The following CAPSL variants were observed in gnomAD, a reference collection of about 807,000 sequenced individuals.
The protein encoded by CAPSL is calcyphosine like.
Under a neutral mutation model 21.3 loss-of-function variants are expected in CAPSL, and 17 were observed. The observed-to-expected ratio is 0.80, with a 90% confidence interval of 0.55 to 1.20. The LOEUF is 1.20. Ranked by LOEUF, CAPSL falls within the 50% of genes most tolerant of loss-of-function variation. CAPSL has a pLI of 0.00. For synonymous variants in CAPSL, 102 were observed against 89.3 expected (o/e 1.14, Z -0.80); for missense variants, 289 against 259.3 (o/e 1.11, Z -0.79).
intron 1 of CAPSL, among the ~76,000 whole-genome samples, chr5:35,937,339 C>G (rs957763276): frequency 3.3e-5 from 5 of 152,214 alleles, no homozygotes; most frequent in African/African-American, 9.6e-5. Context: ...TTGGCCTTTC[C>G]TATGTCTCCA....
At chr5:35,927,469 G>A (rs1738715601) in intron 1 of CAPSL, among the ~76,000 whole-genome samples, 2 of 152,204 alleles carry the variant, frequency 1.3e-5, no homozygotes, top group Non-Finnish European at 2.9e-5. Flanking sequence ...AAGGAGAAAG[G>A]TATACAGTAG....
intron 2 of CAPSL, among the ~76,000 whole-genome samples, chr5:35,914,819 C>A (rs1281716537): frequency 6.6e-6 from 1 of 152,148 alleles, no homozygotes; most frequent in East Asian, 1.9e-4. Flanking sequence ...CAAGAGCAAA[C>A]ATATTCAAAA....
intron 1 of CAPSL, among the ~76,000 whole-genome samples, chr5:35,923,208 G>A (rs1031110066): frequency 1.3e-5 from 2 of 151,926 alleles, no homozygotes; most frequent in Non-Finnish European, 2.9e-5. Flanking sequence ...GTTTTTCCCT[G>A]CCATCCATGA....
chr5:35,923,002 T>G (rs989659407), intron 1 of CAPSL, among the ~76,000 whole-genome samples: 7 of 151,600 alleles, frequency 4.6e-5, no homozygotes, highest in African/African-American at 1.7e-4. Context: ...AAGCAGGAAC[T>G]GGTGTCAACA....
In CAPSL at chr5:35,904,476, T is replaced by C; in HGVS notation, c.*69A>G. 2 of 1,147,082 alleles carry C rather than the reference T, an allele frequency of 1.7e-6. No homozygotes were observed. The highest frequency in any genetic ancestry group is 2.6e-6 in the Non-Finnish European group (2 of 776,202). The allele number at this position is 1,147,082 out of a possible 1,614,324, so 71.1% of individuals were successfully genotyped here. On this transcript the variant is annotated 3_prime_UTR_variant, in exon 5 of 5. Coordinates refer to ENST00000651391, the MANE Select transcript of CAPSL (RefSeq NM_001042625.2). ...AGTGTGAAATCAAATACGATTCTGGTTTTTGAGCTGACATTTAGTCATTTG... is the reference window on the plus strand; with the variant it reads ...AGTGTGAAATCAAATACGATTCTGGCTTTTGAGCTGACATTTAGTCATTTG...
Position 35,905,699 on chromosome 5 carries a change from A to G in CAPSL, c.526-1053T>C, listed in dbSNP as rs1345234352. Among the ~76,000 whole-genome samples, 3 of 152,326 alleles carry G rather than the reference A, an allele frequency of 2.0e-5. No homozygotes were observed. In the East Asian group the frequency reaches 5.8e-4, roughly 29 times the overall value. On this transcript the variant is annotated intron_variant, in intron 4 of 4. Transcript: ENST00000651391. ...TGGATTCCTCAGCCTCTGCTTTTCA[A>G]TTCCCTCATTAAGGGATTACATTAA...
intron 2 of CAPSL, among the ~76,000 whole-genome samples, chr5:35,912,170 C>T (rs1032470746): frequency 6.6e-6 from 1 of 152,134 alleles, no homozygotes; most frequent in Admixed American, 6.5e-5. Flanking sequence ...GGGAGGGATG[C>T]CCACCATTGC....
At chr5:35,933,027 A>G (rs1457182210) in intron 1 of CAPSL, among the ~76,000 whole-genome samples, 3 of 152,326 alleles carry the variant, frequency 2.0e-5, no homozygotes, top group Non-Finnish European at 2.9e-5. Context: ...GTGTATTTCT[A>G]TATGGTCTGT....
intron 1 of CAPSL, among the ~76,000 whole-genome samples, chr5:35,923,667 C>T (rs370327757): frequency 4.7e-5 from 7 of 149,814 alleles, no homozygotes; most frequent in South Asian, 2.1e-4. Flanking sequence ...ACACATTGTA[C>T]GATTTCATTT....
intron 2 of CAPSL, among the ~76,000 whole-genome samples, chr5:35,916,667 G>A (rs974286009): frequency 1.3e-5 from 2 of 152,174 alleles, no homozygotes; most frequent in African/African-American, 2.4e-5. Context: ...GCCATATGTA[G>A]AAAGCTGAAA....
intron 2 of CAPSL, 35 bp from the exon 3 acceptor site, chr5:35,910,578 G>A (rs1221701389): frequency 2.0e-6 from 3 of 1,472,434 alleles, no homozygotes; most frequent in Admixed American, 3.7e-5. Flanking sequence ...CAGAAGAAAT[G>A]TACAAATAAC....
chr5:35,927,121 G>C (rs1738705075), intron 1 of CAPSL, among the ~76,000 whole-genome samples: 1 of 152,176 alleles, frequency 6.6e-6, no homozygotes, highest in Non-Finnish European at 1.5e-5. Flanking sequence ...GCGATGGCTG[G>C]ACCAGATTTT....
chr5:35,933,366 A>C (rs1450127572), intron 1 of CAPSL, among the ~76,000 whole-genome samples: 1 of 152,218 alleles, frequency 6.6e-6, no homozygotes, highest in African/African-American at 2.4e-5. Flanking sequence ...AAAATAAGGA[A>C]ACTGAGGTAC....
At chr5:35,916,524 C>T (rs1308115534) in intron 2 of CAPSL, among the ~76,000 whole-genome samples, 1 of 152,044 alleles carries the variant, frequency 6.6e-6, no homozygotes, top group South Asian at 2.1e-4. Context: ...AGATATAGAC[C>T]AATGGAACAG....
chr5:35,925,517 G>A (rs1008346386), intron 1 of CAPSL, among the ~76,000 whole-genome samples: 11 of 152,112 alleles, frequency 7.2e-5, no homozygotes, highest in Non-Finnish European at 1.2e-4. Context: ...ATGAACAGTA[G>A]TGAAGATTCG....
Sources: gnomAD v4.1 joint callset for allele counts (sites outside exome capture counted in the v4.1 genomes callset) on GRCh38, gnomAD v4.1.1 for gene constraint, MANE v1.5 for transcripts, NCBI Gene and HGNC (gene_info 2026-07-23, HGNC 2026-07-21) for gene names.